The following NDST3 variants were observed in gnomAD, a reference collection of about 807,000 sequenced individuals.
NDST3 encodes N-deacetylase and N-sulfotransferase 3, also known as bifunctional heparan sulfate N-deacetylase/N-sulfotransferase 3.
In NDST3, 58 loss-of-function variants were observed where a neutral mutation model predicts 96.1. That is an observed-to-expected ratio of 0.60 (90% CI 0.49 to 0.75). The LOEUF is 0.75. NDST3 is among the 30% of genes least tolerant of loss of function. The pLI is 0.00. For missense variants in NDST3, 788 were observed against 1,034.2 expected, an observed-to-expected ratio of 0.76 and a Z score of 3.27; for synonymous variants, 333 against 359.7, an observed-to-expected ratio of 0.93 and a Z score of 0.84.
At chr4:118,082,519 A>G (rs1728103992) in intron 2 of NDST3, among the ~76,000 whole-genome samples, 1 of 152,188 alleles carries the variant, frequency 6.6e-6, no homozygotes, top group Admixed American at 6.6e-5. Flanking sequence ...GGGAAACCAA[A>G]TATTTTATAA....
At chr4:118,128,077 T>C (rs552716576) in intron 4 of NDST3, among the ~76,000 whole-genome samples, 4 of 152,072 alleles carry the variant, frequency 2.6e-5, no homozygotes, top group Non-Finnish European at 5.9e-5. Context: ...GTTCTAATAG[T>C]TTTTTGGTGG....
In NDST3 at chr4:118,224,673, G is replaced by C. The variant is rs757342446; in HGVS notation, c.1722G>C (p.Gln574His). 1 of 1,569,788 alleles carries C rather than the reference G, an allele frequency of 6.4e-7. No homozygotes were observed. Among genetic ancestry groups the C allele is most frequent in the South Asian group, 1.2e-5 (1 of 81,986 alleles). Reference sequence around the variant, plus strand: ...CTGATCAGAAAGACCCTCTCTGGCAGGTAAAATTAATTAAATAATTGATAT... The same window carrying C: ...CTGATCAGAAAGACCCTCTCTGGCACGTAAAATTAATTAAATAATTGATAT... The part of the protein sequence containing the change: ...LFPDQKDPLW[Q>H]NPCDDKRHRD... Residue 574 changes from glutamine to histidine, a missense_variant and splice_region_variant, in exon 7 of 14, where the codon CAG becomes CAC. Gln to His is a conservative substitution (Grantham distance 24). Around this residue, in one of 3 missense-constraint regions of NDST3, gnomAD observed 490 missense variants for 708.8 expected, o/e 0.69. Transcript: ENST00000296499.
At chr4:118,050,200 C>T (rs1725000048) in intron 1 of NDST3, among the ~76,000 whole-genome samples, 1 of 152,004 alleles carries the variant, frequency 6.6e-6, no homozygotes, top group South Asian at 2.1e-4. Flanking sequence ...GATAAAAACC[C>T]TTAACAGTCT....
chr4:118,151,236 G>C (rs917031441), intron 6 of NDST3, among the ~76,000 whole-genome samples: 1 of 152,164 alleles, frequency 6.6e-6, no homozygotes, highest in Non-Finnish European at 1.5e-5. Flanking sequence ...GGGGACTGTT[G>C]TGGGGTGGAG....
chr4:118,066,133 A>G (rs1446519511), intron 2 of NDST3, among the ~76,000 whole-genome samples: 1 of 36,532 alleles, frequency 2.7e-5, no homozygotes, highest in African/African-American at 7.0e-5. Context: ...TATATATTAT[A>G]TAATATATTT....
chr4:118,133,774 T>C (rs1732838707), intron 4 of NDST3, among the ~76,000 whole-genome samples: 1 of 152,158 alleles, frequency 6.6e-6, no homozygotes, highest in African/African-American at 2.4e-5. Flanking sequence ...GGCAGTGTAA[T>C]GAAGATAATT....
In NDST3 at chr4:118,244,583, A is replaced by AT. The variant is rs1227542688; in HGVS notation, c.2399+2435dup. On this transcript the variant is annotated intron_variant, in intron 12 of 13. Coordinates refer to ENST00000296499, the MANE Select transcript of NDST3 (RefSeq NM_004784.3). The stretch of plus-strand genomic sequence containing the variant: ...TAACTACATAAATCTAGTGCTTTGC[A>AT]TGTAGTAGAATAAATGAATGAAGCA... 9.8e-5 allele frequency among the ~76,000 whole-genome samples: 15 copies of AT among 152,290 alleles called. No individual in the cohort carries two copies. In the East Asian group the frequency reaches 1.9e-3, roughly 20 times the overall value.
upstream of NDST3, chr4:118,034,443 A>G (rs1457121549): frequency 6.6e-6 from 1 of 152,190 alleles, no homozygotes; most frequent in East Asian, 1.9e-4. Context: ...AAGATGTTAC[A>G]TAACATGAGA....
intron 1 of NDST3, among the ~76,000 whole-genome samples, chr4:118,034,963 A>T (rs548107861): frequency 6.6e-6 from 1 of 152,124 alleles, no homozygotes; most frequent in South Asian, 2.1e-4. Flanking sequence ...CTACCTGCCT[A>T]TCTACACAGT....
chr4:118,157,841 T>C (rs1235285336), intron 6 of NDST3, among the ~76,000 whole-genome samples: 1 of 152,128 alleles, frequency 6.6e-6, no homozygotes, highest in Non-Finnish European at 1.5e-5. Flanking sequence ...AAACCTAACA[T>C]GGATGTGTAT....
chr4:118,250,870 T>C (rs1741660001), intron 12 of NDST3, among the ~76,000 whole-genome samples: 1 of 152,126 alleles, frequency 6.6e-6, no homozygotes, highest in East Asian at 1.9e-4. Flanking sequence ...ATATTAGATA[T>C]ATTTTTTACA....
chr4:118,057,473 A>G (rs977440978), intron 2 of NDST3, among the ~76,000 whole-genome samples: 2 of 152,030 alleles, frequency 1.3e-5, no homozygotes, highest in Non-Finnish European at 2.9e-5. Context: ...ATTTAGAGTG[A>G]TAAGAGAAGA....
intron 9 of NDST3, among the ~76,000 whole-genome samples, chr4:118,236,165 C>A (rs1435096801): frequency 6.6e-6 from 1 of 152,146 alleles, no homozygotes; most frequent in East Asian, 1.9e-4. Flanking sequence ...GGCTGAGAAT[C>A]CCTAGAAGCT....
chr4:118,093,711 T>C (rs2389524), intron 2 of NDST3, among the ~76,000 whole-genome samples: 114,238 of 151,726 alleles, frequency 0.75, 45,663 homozygotes, highest in South Asian at 0.92. Flanking sequence ...TAGACCTATA[T>C]GTATGTAAAA....
At chr4:118,097,669 G>A (rs1729425581) in intron 2 of NDST3, among the ~76,000 whole-genome samples, 1 of 151,758 alleles carries the variant, frequency 6.6e-6, no homozygotes, top group Non-Finnish European at 1.5e-5. Flanking sequence ...TTTTATTTTA[G>A]CAATTTTCAA....
At chr4:118,096,686 GATA>G (rs1729337853) in intron 2 of NDST3, among the ~76,000 whole-genome samples, 1 of 151,398 alleles carries the variant, frequency 6.6e-6, no homozygotes, top group Non-Finnish European at 1.5e-5. Flanking sequence ...TAGATAGATA[GATA>G]GATAGATAGA....
chr4:118,238,532 A>G (rs532031654), intron 10 of NDST3, among the ~76,000 whole-genome samples: 178 of 152,304 alleles, frequency 1.2e-3, no homozygotes, highest in African/African-American at 3.9e-3. Flanking sequence ...AATAGAGTCA[A>G]TGTCTTTAGT....
At chr4:118,162,646 C>T (rs1735248239) in intron 6 of NDST3, among the ~76,000 whole-genome samples, 1 of 148,820 alleles carries the variant, frequency 6.7e-6, no homozygotes, top group Non-Finnish European at 1.5e-5. Context: ...CCATAAAAAC[C>T]CTAGAAGAAA....
chr4:118,175,058 C>T (rs1199900820), intron 6 of NDST3, among the ~76,000 whole-genome samples: 5 of 152,090 alleles, frequency 3.3e-5, no homozygotes, highest in East Asian at 3.9e-4. Flanking sequence ...GATAATACCC[C>T]GTATTTTACC....
Sources: gnomAD v4.1 joint callset for allele counts (sites outside exome capture counted in the v4.1 genomes callset) on GRCh38, gnomAD v4.1.1 for gene constraint, gnomAD v4.1.1 regional missense constraint, MANE v1.5 for transcripts, NCBI Gene and HGNC (gene_info 2026-07-23, HGNC 2026-07-21) for gene names.